The following CTIF variants were observed in gnomAD, a reference collection of about 807,000 sequenced individuals.
CTIF encodes CBP80/20-dependent translation initiation factor.
Under a neutral mutation model 66.0 loss-of-function variants are expected in CTIF, and 21 were observed. The observed-to-expected ratio is 0.32, with a 90% confidence interval of 0.23 to 0.46. The LOEUF is 0.46. Among genes scored for constraint, CTIF ranks in the 20% least tolerant of loss-of-function variants. The pLI, the probability that CTIF is intolerant of heterozygous loss-of-function variation, is 1.00. For missense variants in CTIF, 739 were observed against 812.7 expected (o/e 0.91, Z 1.10); for synonymous variants, 345 against 326.4 (o/e 1.06, Z -0.62).
intron 7 of CTIF, among the ~76,000 whole-genome samples, chr18:48,735,966 A>C (rs79831727): frequency 3.3e-5 from 5 of 152,058 alleles, no homozygotes; most frequent in Non-Finnish European, 7.4e-5. Context: ...GAAAGGGCAC[A>C]CCCGGGTGGT....
chr18:48,828,603 C>T (rs766426418), intron 10 of CTIF, among the ~76,000 whole-genome samples: 1 of 152,222 alleles, frequency 6.6e-6, no homozygotes, highest in Non-Finnish European at 1.5e-5. Context: ...AACCATTTTC[C>T]AGCCGGAATT....
chr18:48,831,536 G>C (rs2068691644), intron 10 of CTIF, among the ~76,000 whole-genome samples: 1 of 152,222 alleles, frequency 6.6e-6, no homozygotes, highest in Non-Finnish European at 1.5e-5. Context: ...TGTGCAGGGG[G>C]CACGAAGGGT....
chr18:48,655,803 A>C (rs1168303540), intron 3 of CTIF, among the ~76,000 whole-genome samples: 1 of 152,178 alleles, frequency 6.6e-6, no homozygotes, highest in Admixed American at 6.5e-5. Flanking sequence ...GACTGTCCCA[A>C]CAATAGAGAG....
intron 10 of CTIF, among the ~76,000 whole-genome samples, chr18:48,851,341 A>T (rs180876030): frequency 6.6e-6 from 1 of 152,304 alleles, no homozygotes; most frequent in African/African-American, 2.4e-5. Context: ...CATCACAGAA[A>T]GTGGAAGGCA....
intron 1 of CTIF, among the ~76,000 whole-genome samples, chr18:48,615,542 G>A (rs1344078735): frequency 3.3e-4 from 50 of 152,228 alleles, no homozygotes; most frequent in Non-Finnish European, 7.3e-5. Flanking sequence ...GACAAGTGAG[G>A]GGGGCTAGGG....
chr18:48,663,304 GGT>G (rs1476713193), intron 3 of CTIF, among the ~76,000 whole-genome samples: 1 of 152,316 alleles, frequency 6.6e-6, no homozygotes, highest in East Asian at 1.9e-4. Context: ...TCCAGTTGCT[GGT>G]GTAGCCTTGG....
Position 48,725,144 on chromosome 18 carries a change from G to T in CTIF, c.584+13449G>T, listed in dbSNP as rs372052872. Among the ~76,000 whole-genome samples the T allele has an allele frequency of 2.0e-5, 3 of 152,244 alleles. No individual in the cohort carries two copies. The East Asian group carries it at 5.8e-4, about 29-fold the overall frequency. ...TGTTCCAGACTGGCTCTGCATGTCA[G>T]GGAGCAGATGGCTCGGCCTGGTCAC... On this transcript the variant is annotated intron_variant, in intron 7 of 11. Coordinates refer to ENST00000256413, the MANE Select transcript of CTIF (RefSeq NM_014772.3).
At chr18:48,719,062 G>A (rs1197050816) in intron 7 of CTIF, among the ~76,000 whole-genome samples, 2 of 152,154 alleles carry the variant, frequency 1.3e-5, no homozygotes, top group Admixed American at 6.5e-5. Context: ...TACGCTGTCT[G>A]CCCCATCAGT....
chr18:48,691,642 TC>T (rs2091926951), intron 6 of CTIF, among the ~76,000 whole-genome samples: 1 of 152,136 alleles, frequency 6.6e-6, no homozygotes, highest in Admixed American at 6.5e-5. Context: ...TCTTCCTGTC[TC>T]CCCACTCCTT....
chr18:48,686,421 C>G (rs544180926), intron 6 of CTIF, among the ~76,000 whole-genome samples: 98 of 152,292 alleles, frequency 6.4e-4, no homozygotes, highest in African/African-American at 1.9e-3. Flanking sequence ...CTGGTATTTT[C>G]TCTGCCCCAG....
At chr18:48,541,604 G>A (rs1369890051) in intron 1 of CTIF, among the ~76,000 whole-genome samples, 1 of 152,200 alleles carries the variant, frequency 6.6e-6, no homozygotes, top group Non-Finnish European at 1.5e-5. Flanking sequence ...GACGCTAGAG[G>A]ATGGCCAGGA....
At chr18:48,620,462 C>T (rs1214359865) in intron 2 of CTIF, among the ~76,000 whole-genome samples, 1 of 152,218 alleles carries the variant, frequency 6.6e-6, no homozygotes, top group East Asian at 1.9e-4. Context: ...AAATCCTCAG[C>T]AGATTTTTGT....
rs113543870 is a variant in CTIF at position 48,757,807 on chromosome 18, A to G, written c.585-112A>G. ...AAGGTGCTCAGGAAGTGTTTGTTGGAAGAATGAATATATGGACAAGGCAAT... is the reference window on the plus strand; with the variant it reads ...AAGGTGCTCAGGAAGTGTTTGTTGGGAGAATGAATATATGGACAAGGCAAT... On this transcript the variant is annotated intron_variant, in intron 7 of 11. Coordinates refer to ENST00000256413, the MANE Select transcript of CTIF (RefSeq NM_014772.3). The G allele has an allele frequency of 6.4e-6, 9 of 1,395,356 alleles. No homozygotes were observed. The African/African-American group carries it at 7.2e-5, about 11-fold the overall frequency. 86.4% of individuals were successfully genotyped at this position (1,395,356 alleles called of 1,614,324 possible).
chr18:48,750,842 GA>G (rs1193303991), intron 7 of CTIF, among the ~76,000 whole-genome samples: 1 of 152,206 alleles, frequency 6.6e-6, no homozygotes, highest in Non-Finnish European at 1.5e-5. Context: ...GTGGTCCTCT[GA>G]ATTTGGGTTT....
chr18:48,563,251 A>G lies in CTIF; in HGVS notation c.-29+23939A>G, dbSNP rs28589376. ...CTCCACCCTTGGGGATGTAAACTGT[A>G]CTAGGAGCAGGAAAGGCTGGGGTGA... On this transcript the variant is annotated intron_variant, in intron 1 of 11. Coordinates refer to ENST00000256413, the MANE Select transcript of CTIF (RefSeq NM_014772.3). Among the ~76,000 whole-genome samples, 640 of 144,300 alleles carry G rather than the reference A, an allele frequency of 4.4e-3. 4 individuals carry two copies. The highest frequency in any genetic ancestry group is 0.014 in the African/African-American group (556 of 40,094). The allele number at this position is 144,300 out of a possible 152,430, so 94.7% of individuals were successfully genotyped here. A position where few individuals can be genotyped will look rare whatever the true frequency, so the allele number is the denominator to read the frequency against.
intron 1 of CTIF, among the ~76,000 whole-genome samples, chr18:48,553,829 G>A (rs9965046): frequency 0.064 from 6,180 of 95,970 alleles, 433 homozygotes; most frequent in African/African-American, 0.15. Context: ...CTAATTTTTT[G>A]TATTTTTTTT....
intron 10 of CTIF, among the ~76,000 whole-genome samples, chr18:48,856,783 A>G (rs2069337391): frequency 1.3e-5 from 2 of 152,174 alleles, no homozygotes; most frequent in East Asian, 1.9e-4. Context: ...GCTAGTGGGT[A>G]TGGGTTTGTA....
chr18:48,555,522 G>A (rs537366274), intron 1 of CTIF, among the ~76,000 whole-genome samples: 1 of 152,340 alleles, frequency 6.6e-6, no homozygotes, highest in African/African-American at 2.4e-5. Flanking sequence ...CAGGCCTGGA[G>A]AAGGTGGGGA....
chr18:48,724,717 G>A (rs1428658396), intron 7 of CTIF, among the ~76,000 whole-genome samples: 6 of 152,238 alleles, frequency 3.9e-5, no homozygotes, highest in Admixed American at 6.5e-5. Context: ...TGCGGCCACT[G>A]AGGGACTTAG....
Sources: allele counts gnomAD v4.1 joint callset (sites outside exome capture counted in the v4.1 genomes callset), GRCh38; gene constraint gnomAD v4.1.1; transcripts MANE v1.5; gene names NCBI Gene and HGNC (gene_info 2026-07-23, HGNC 2026-07-21).